Variants in ZNF804B observed in about 807,000 individuals in gnomAD.
ZNF804B encodes zinc finger 804B.
A neutral mutation model predicts 101.4 loss-of-function variants in ZNF804B; 80 were observed. The ratio of observed to expected loss-of-function variants is 0.79; its 90% CI spans 0.66 to 0.95. The LOEUF is 0.95. Among genes scored for constraint, ZNF804B ranks in the 40% least tolerant of loss-of-function variants. The probability of loss-of-function intolerance (pLI) is 0.00; values close to 1 mark genes in which losing one functional copy is unlikely to be tolerated. For synonymous variants in ZNF804B, 622 were observed against 558.8 expected, an observed-to-expected ratio of 1.11 and a Z score of -1.59; for missense variants, 1,673 against 1,561.9, an observed-to-expected ratio of 1.07 and a Z score of -1.20.
At chr7:89,107,039 A>G (rs1217707197) in intron 1 of ZNF804B, among the ~76,000 whole-genome samples, 1 of 152,132 alleles carries the variant, frequency 6.6e-6, no homozygotes, top group Non-Finnish European at 1.5e-5. Context: ...TACAGTTGTT[A>G]AAGGCACAGT....
intron 3 of ZNF804B, among the ~76,000 whole-genome samples, chr7:89,330,642 AT>A (rs201967831): frequency 0.021 from 3,186 of 151,714 alleles, 102 homozygotes; most frequent in African/African-American, 0.073. Context: ...GCAAATTAAA[AT>A]TTATAAAGCA....
chr7:89,153,641 G>C (rs369257042), intron 1 of ZNF804B, among the ~76,000 whole-genome samples: 11 of 151,936 alleles, frequency 7.2e-5, no homozygotes, highest in African/African-American at 2.7e-4. Flanking sequence ...AAGTGGTCAC[G>C]ATGAAAACTG....
chr7:89,264,264 G>T (rs989013020), intron 2 of ZNF804B, among the ~76,000 whole-genome samples: 1 of 152,118 alleles, frequency 6.6e-6, no homozygotes, highest in African/African-American at 2.4e-5. Flanking sequence ...AAAAAATCCT[G>T]CAGGTTTAAC....
intron 1 of ZNF804B, among the ~76,000 whole-genome samples, chr7:88,924,521 C>T (rs963475208): frequency 2.0e-5 from 3 of 152,126 alleles, no homozygotes; most frequent in Non-Finnish European, 2.9e-5. Flanking sequence ...AGCTACCTCT[C>T]CTACATCATA....
chr7:89,282,418 T>A (rs984783839), intron 2 of ZNF804B, among the ~76,000 whole-genome samples: 1 of 152,068 alleles, frequency 6.6e-6, no homozygotes, highest in Non-Finnish European at 1.5e-5. Flanking sequence ...TAAAAACTTA[T>A]TTTAAAAAAG....
intron 1 of ZNF804B, among the ~76,000 whole-genome samples, chr7:88,788,580 T>G (rs1790336326): frequency 6.6e-6 from 1 of 152,190 alleles, no homozygotes; most frequent in Admixed American, 6.6e-5. Flanking sequence ...TTTGTTTATT[T>G]GTTTTTTGTT....
At chr7:89,265,265 A>AGTGTGTGT (rs71102029) in intron 2 of ZNF804B, among the ~76,000 whole-genome samples, 209 of 145,228 alleles carry the variant, frequency 1.4e-3, no homozygotes, top group African/African-American at 4.8e-3. Context: ...AGGTTAAGTC[A>AGTGTGTGT]GTGTGTGTGT....
At chr7:88,854,387 A>C (rs1190673768) in intron 1 of ZNF804B, among the ~76,000 whole-genome samples, 1 of 109,226 alleles carries the variant, frequency 9.2e-6, no homozygotes, top group African/African-American at 3.8e-5. Flanking sequence ...TCTGTACTGC[A>C]TTTCTTTCTT....
intron 2 of ZNF804B, among the ~76,000 whole-genome samples, chr7:89,290,707 G>A (rs555751572): frequency 4.6e-5 from 7 of 152,228 alleles, no homozygotes; most frequent in African/African-American, 1.2e-4. Context: ...GCTCAGCCAC[G>A]GTACAACAGA....
intron 1 of ZNF804B, among the ~76,000 whole-genome samples, chr7:88,775,582 G>GAAATA (rs1401119267): frequency 6.6e-6 from 1 of 152,142 alleles, no homozygotes; most frequent in Non-Finnish European, 1.5e-5. Flanking sequence ...ACAAAAATCA[G>GAAATA]AAATAATTTA....
chr7:89,006,164 T>C (rs1788367042), intron 1 of ZNF804B, among the ~76,000 whole-genome samples: 1 of 152,130 alleles, frequency 6.6e-6, no homozygotes, highest in African/African-American at 2.4e-5. Flanking sequence ...GGGCATTTTT[T>C]TTCTAGGTAA....
At chr7:88,902,019 T>A (rs560006428) in intron 1 of ZNF804B, among the ~76,000 whole-genome samples, 9 of 152,032 alleles carry the variant, frequency 5.9e-5, no homozygotes, top group Admixed American at 3.3e-4. Flanking sequence ...TAAAAAATGA[T>A]ACATGCAAAA....
intron 1 of ZNF804B, among the ~76,000 whole-genome samples, chr7:89,072,724 T>C (rs1377327191): frequency 6.6e-6 from 1 of 152,170 alleles, no homozygotes; most frequent in Non-Finnish European, 1.5e-5. Context: ...GAGAATAATA[T>C]GTTGTTTGAG....
intron 2 of ZNF804B, among the ~76,000 whole-genome samples, chr7:89,275,343 T>C (rs757236205): frequency 1.3e-5 from 2 of 152,040 alleles, no homozygotes; most frequent in African/African-American, 2.4e-5. Context: ...CTTCTGCCCT[T>C]GTACATCTCA....
intron 1 of ZNF804B, among the ~76,000 whole-genome samples, chr7:89,102,925 A>C (rs932872407): frequency 6.6e-6 from 1 of 151,738 alleles, no homozygotes; most frequent in African/African-American, 2.4e-5. Flanking sequence ...TCACAGAACC[A>C]TTTATTGAAT....
chr7:88,890,243 C>T (rs1411829074), intron 1 of ZNF804B, among the ~76,000 whole-genome samples: 1 of 152,030 alleles, frequency 6.6e-6, no homozygotes, highest in Non-Finnish European at 1.5e-5. Context: ...AGTATTAGCT[C>T]TTCAATTTTA....
chr7:89,284,333 T>C (rs1438255986), intron 2 of ZNF804B, among the ~76,000 whole-genome samples: 1 of 152,212 alleles, frequency 6.6e-6, no homozygotes, highest in Admixed American at 6.5e-5. Flanking sequence ...CTCACATATT[T>C]TTATTGTGTT....
At chr7:89,006,801 G>A (rs573113942) in intron 1 of ZNF804B, among the ~76,000 whole-genome samples, 2 of 152,188 alleles carry the variant, frequency 1.3e-5, no homozygotes, top group Non-Finnish European at 2.9e-5. Context: ...GAGCTCCTCT[G>A]CAAATGTAGA....
chr7:88,898,477 C>T (rs1667850019), intron 1 of ZNF804B, among the ~76,000 whole-genome samples: 1 of 151,652 alleles, frequency 6.6e-6, no homozygotes, highest in Admixed American at 6.6e-5. Flanking sequence ...ATCCATGACG[C>T]CCCCTTCTGC....
Sources: gnomAD v4.1 joint callset for allele counts (sites outside exome capture counted in the v4.1 genomes callset) on GRCh38, gnomAD v4.1.1 for gene constraint, MANE v1.5 for transcripts, NCBI Gene and HGNC (gene_info 2026-07-23, HGNC 2026-07-21) for gene names.